ARMC9: variants seen among roughly 807,000 people sequenced by gnomAD.
ARMC9 encodes armadillo repeat containing 9, also known as lisH domain-containing protein ARMC9.
In ARMC9, 94 loss-of-function variants were observed where a neutral mutation model predicts 107.0. The observed-to-expected ratio is 0.88, with a 90% CI of 0.74 to 1.04. ARMC9 has a LOEUF of 1.04. Ranked by LOEUF, ARMC9 falls within the 50% of genes least tolerant of loss-of-function variation. The pLI is 0.00. For synonymous variants in ARMC9, 380 were observed against 396.9 expected (o/e 0.96, Z 0.51); for missense variants, 942 against 1,030.1 (o/e 0.91, Z 1.17).
intron 5 of ARMC9, among the ~76,000 whole-genome samples, chr2:231,219,808 C>T (rs2033921279): frequency 6.6e-6 from 1 of 151,548 alleles, no homozygotes; most frequent in Admixed American, 6.6e-5. Context: ...TTGTAAAATA[C>T]ACATAACATA....
intron 9 of ARMC9, 25 bp downstream of exon 9, chr2:231,240,066 G>A (rs1460696726): frequency 1.3e-6 from 2 of 1,583,364 alleles, no homozygotes; most frequent in Non-Finnish European, 1.7e-6. Context: ...TCAGGGCAGG[G>A]TGCCCGTGGT....
chr2:231,200,810 G>C (rs1319345704), intron 1 of ARMC9, among the ~76,000 whole-genome samples: 1 of 151,826 alleles, frequency 6.6e-6, no homozygotes, highest in Non-Finnish European at 1.5e-5. Flanking sequence ...ACTCCAGCCT[G>C]GGCAACAGAG....
intron 12 of ARMC9, among the ~76,000 whole-genome samples, chr2:231,262,780 A>G (rs1228123042): frequency 1.3e-5 from 2 of 152,066 alleles, no homozygotes; most frequent in Non-Finnish European, 2.9e-5. Flanking sequence ...ACAGTACTTT[A>G]CTTATAGTTT....
chr2:231,347,470 C>T (rs868548765), intron 21 of ARMC9, among the ~76,000 whole-genome samples: 9 of 151,862 alleles, frequency 5.9e-5, no homozygotes, highest in African/African-American at 1.5e-4. Flanking sequence ...GTACTCCAGA[C>T]GGGCTACACG....
intron 17 of ARMC9, among the ~76,000 whole-genome samples, chr2:231,290,952 T>C (rs1290828174): frequency 0.031 from 2 of 64 alleles, no homozygotes; most frequent in African/African-American, 0.062. Context: ...TTACAATAGT[T>C]TTTTTTTTTT....
intron 17 of ARMC9, among the ~76,000 whole-genome samples, chr2:231,282,506 G>A (rs2040291478): frequency 6.6e-6 from 1 of 152,212 alleles, no homozygotes; most frequent in Admixed American, 6.5e-5. Context: ...ACGCTTGTAT[G>A]TGAAGTAAAA....
intron 8 of ARMC9, among the ~76,000 whole-genome samples, chr2:231,236,546 C>T (rs2035733428): frequency 6.6e-6 from 1 of 152,198 alleles, no homozygotes; most frequent in Non-Finnish European, 1.5e-5. Flanking sequence ...CCTGTAATCC[C>T]AGCACTTTGG....
rs759123410 is a variant in ARMC9, at chr2:231,206,316, C to G, written c.51+27C>G. ...TAGGTATATTATACAAAGCAGAGGT[C>G]ACAGAGAAACAGATCTTGAAAACTT... On this transcript the variant is annotated intron_variant, in intron 2 of 24. Coordinates refer to ENST00000611582, the MANE Select transcript of ARMC9 (RefSeq NM_001352754.2). 38 of 1,583,226 alleles carry G rather than the reference C, an allele frequency of 2.4e-5. No individual in the cohort carries two copies. The South Asian group carries it at 4.2e-4, about 17-fold the overall frequency.
intron 21 of ARMC9, among the ~76,000 whole-genome samples, chr2:231,349,065 A>T (rs1417138932): frequency 6.6e-6 from 1 of 152,250 alleles, no homozygotes; most frequent in Non-Finnish European, 1.5e-5. Context: ...CACATGATCC[A>T]GCAGTCCCGC....
At chr2:231,201,416 T>C (rs2030938841) in intron 1 of ARMC9, among the ~76,000 whole-genome samples, 1 of 152,238 alleles carries the variant, frequency 6.6e-6, no homozygotes, top group African/African-American at 2.4e-5. Flanking sequence ...TACTTCACTT[T>C]TGGGGGTTTC....
chr2:231,289,109 T>G (rs1447707802), intron 17 of ARMC9, among the ~76,000 whole-genome samples: 1 of 152,222 alleles, frequency 6.6e-6, no homozygotes, highest in Non-Finnish European at 1.5e-5. Context: ...AAGATGTGGT[T>G]GTTCTATGAC....
At chr2:231,223,474 T>C (rs2034348588) in intron 6 of ARMC9, among the ~76,000 whole-genome samples, 3 of 152,158 alleles carry the variant, frequency 2.0e-5, no homozygotes, top group South Asian at 4.1e-4. Context: ...TCCCAAAGGT[T>C]ATTAGTTTTT....
chr2:231,291,422 A>G lies in ARMC9; in HGVS notation c.1696A>G (p.Ile566Val), dbSNP rs1426434249. 1.9e-6 allele frequency: 3 copies of G among 1,613,586 alleles called. No individual in the cohort carries two copies. Among genetic ancestry groups the G allele is most frequent in the Non-Finnish European group, 2.5e-6 (3 of 1,179,734 alleles). ...NAEMIRQIEF[I>V]IKQLNSEELP... is the part of the protein sequence containing the mutation. ...TGAAATGATCCGCCAGATAGAATTC[A>G]TCATCAAGCAGCTAAATTCCGGTCA... The change falls in exon 18 of 25, where the codon ATC becomes GTC. Residue 566 changes from isoleucine (I) to valine (V), a missense_variant. Physicochemically the swap from Ile to Val is conservative, Grantham distance 29 (BLOSUM62 3). Transcript: ENST00000611582.
chr2:231,262,258 T>C, intron 11 of ARMC9, 48 bp from the exon 12 acceptor site: 1 of 1,577,600 alleles, frequency 6.3e-7, no homozygotes, highest in South Asian at 1.1e-5. Flanking sequence ...GAAACTTTTC[T>C]CCATGATAAG....
At chr2:231,228,642 C>T (rs1396490772) in intron 7 of ARMC9, among the ~76,000 whole-genome samples, 1 of 152,208 alleles carries the variant, frequency 6.6e-6, no homozygotes, top group African/African-American at 2.4e-5. Flanking sequence ...GGCCCCCTCA[C>T]CTTCAGAGAA....
intron 17 of ARMC9, 23 bp downstream of exon 17, chr2:231,282,156 CAT>C (rs748297575): frequency 2.7e-5 from 43 of 1,611,206 alleles, no homozygotes; most frequent in South Asian, 1.2e-4. Context: ...GCCTGAGAAA[CAT>C]GTGAGCTTCC....
intron 19 of ARMC9, among the ~76,000 whole-genome samples, chr2:231,325,308 G>A (rs1225594014): frequency 6.6e-6 from 1 of 152,188 alleles, no homozygotes; most frequent in Non-Finnish European, 1.5e-5. Flanking sequence ...GCTAGTTTGT[G>A]TTTATGTAAG....
At chr2:231,276,417 C>T (rs535891006) in intron 14 of ARMC9, among the ~76,000 whole-genome samples, 1 of 151,946 alleles carries the variant, frequency 6.6e-6, no homozygotes, top group Non-Finnish European at 1.5e-5. Flanking sequence ...ATTACAGGCG[C>T]CGTCACCACG....
rs529321806 is a variant in ARMC9, at chr2:231,206,565, C to T, written c.51+276C>T. Reference sequence around the variant, plus strand: ...TACAGAAGTATAAAAAGGAAATTTCCCTCCCAGACTTTTTTCTATGTATAG... The same window carrying T: ...TACAGAAGTATAAAAAGGAAATTTCTCTCCCAGACTTTTTTCTATGTATAG... On this transcript the variant is annotated intron_variant, in intron 2 of 24. Transcript: ENST00000611582. Among the ~76,000 whole-genome samples the T allele has an allele frequency of 2.0e-5, 3 of 152,284 alleles. No homozygotes were observed. The East Asian group carries it at 5.8e-4, about 29-fold the overall frequency.
Sources: gnomAD v4.1 joint callset for allele counts (sites outside exome capture counted in the v4.1 genomes callset) on GRCh38, gnomAD v4.1.1 for gene constraint, MANE v1.5 for transcripts, NCBI Gene and HGNC (gene_info 2026-07-23, HGNC 2026-07-21) for gene names.